The following CEP43 variants were observed in gnomAD, a reference collection of about 807,000 sequenced individuals.
CEP43 encodes FGFR1 oncogene partner.
A neutral mutation model predicts 52.6 loss-of-function variants in CEP43; 36 were observed. The ratio of observed to expected loss-of-function variants is 0.68; its 90% CI spans 0.52 to 0.90. The LOEUF (loss-of-function observed/expected upper bound fraction) is 0.90, where lower values mean the gene tolerates loss of function less well. CEP43 is among the 40% of genes least tolerant of loss of function. CEP43 has a pLI of 0.00. For missense variants in CEP43, 506 were observed against 472.8 expected, an observed-to-expected ratio of 1.07 and a Z score of -0.65; for synonymous variants, 192 against 172.4, an observed-to-expected ratio of 1.11 and a Z score of -0.89.
chr6:167,032,698 C>A, intron 11 of CEP43, 56 bp downstream of exon 11: 3 of 1,432,516 alleles, frequency 2.1e-6, no homozygotes, highest in South Asian at 2.9e-5. Flanking sequence ...TAAACAATTT[C>A]CGAACACAGA....
chr6:167,014,261 A>C (rs1045959778), intron 7 of CEP43, among the ~76,000 whole-genome samples: 1 of 152,152 alleles, frequency 6.6e-6, no homozygotes, highest in African/African-American at 2.4e-5. Flanking sequence ...TTCCTCCAAG[A>C]TGTTTTTGTG....
At chr6:167,011,006 G>A (rs1779972360) in intron 6 of CEP43, 113 bp downstream of exon 6, 1 of 501,914 alleles carries the variant, frequency 2.0e-6, no homozygotes, top group Non-Finnish European at 3.4e-6. Context: ...TAAACACATG[G>A]GCTCTTTAGT....
chr6:167,004,808 C>T (rs1055754666), intron 5 of CEP43, among the ~76,000 whole-genome samples: 2 of 152,162 alleles, frequency 1.3e-5, no homozygotes, highest in Non-Finnish European at 2.9e-5. Context: ...ATTAAAACAT[C>T]TTATTTAAAT....
intron 3 of CEP43, 139 bp from the exon 4 acceptor site, chr6:167,003,581 ATAT>A (rs1779786323): frequency 5.1e-6 from 3 of 589,598 alleles, no homozygotes; most frequent in Non-Finnish European, 6.0e-6. Flanking sequence ...TTACTTAATC[ATAT>A]TATTCAAAGA....
intron 12 of CEP43, among the ~76,000 whole-genome samples, 170 bp downstream of exon 12, chr6:167,034,141 A>G (rs1780532853): frequency 6.6e-6 from 1 of 152,212 alleles, no homozygotes; most frequent in South Asian, 2.1e-4. Context: ...ATGAATGTGT[A>G]AGATTGGTTT....
intron 6 of CEP43, among the ~76,000 whole-genome samples, chr6:167,012,608 TTAA>T (rs1780009721): frequency 1.3e-5 from 2 of 152,224 alleles, no homozygotes; most frequent in South Asian, 4.1e-4. Context: ...ATTACTGTTT[TTAA>T]AGCAAATTAG....
Position 167,022,389 on chromosome 6 carries a change from C to A in CEP43, c.580-20C>A. ...TTTTATCTCACCAAGGAGGCCTTTT[C>A]TCTTTCCCTCTCTTTCTAGAAGGCC... On this transcript the variant is annotated intron_variant, in intron 7 of 12. Transcript: ENST00000366847. The A allele has an allele frequency of 6.4e-7, 1 of 1,563,188 alleles. No individual in the cohort carries two copies. Among genetic ancestry groups the A allele is most frequent in the Admixed American group, 1.7e-5 (1 of 57,922 alleles).
chr6:167,024,255 A>T (rs1338544688), intron 8 of CEP43, among the ~76,000 whole-genome samples: 3 of 152,028 alleles, frequency 2.0e-5, no homozygotes, highest in Admixed American at 1.3e-4. Context: ...ATAAGAGGAG[A>T]GTGGAGAAAG....
intron 7 of CEP43, among the ~76,000 whole-genome samples, chr6:167,017,976 A>G (rs1319154884): frequency 6.8e-6 from 1 of 146,088 alleles, no homozygotes; most frequent in Non-Finnish European, 1.5e-5. Flanking sequence ...AAAACAACAC[A>G]TGTGTTGTGT....
chr6:167,029,744 GC>G (rs1226373386), intron 10 of CEP43, among the ~76,000 whole-genome samples: 6 of 152,212 alleles, frequency 3.9e-5, no homozygotes, highest in African/African-American at 1.4e-4. Flanking sequence ...GAGCAACATG[GC>G]TGTTTATTTC....
intron 10 of CEP43, among the ~76,000 whole-genome samples, chr6:167,031,372 C>T (rs1272418125): frequency 6.6e-6 from 1 of 152,180 alleles, no homozygotes; most frequent in African/African-American, 2.4e-5. Flanking sequence ...ATTGCACTAG[C>T]AGTATTTGGT....
chr6:167,014,305 A>G (rs1780047098), intron 7 of CEP43, among the ~76,000 whole-genome samples: 1 of 152,154 alleles, frequency 6.6e-6, no homozygotes, highest in Non-Finnish European at 1.5e-5. Context: ...CACATTTGTG[A>G]TCCTTTATTC....
At chr6:167,005,983 G>C (rs11965188) in intron 5 of CEP43, among the ~76,000 whole-genome samples, 11,234 of 152,274 alleles carry the variant, frequency 0.074, 506 homozygotes, top group African/African-American at 0.12. Flanking sequence ...TCTGGAACCA[G>C]GTTACTTGGG....
At chr6:167,010,961 C>G in intron 6 of CEP43, 68 bp downstream of exon 6, 3 of 836,260 alleles carry the variant, frequency 3.6e-6, no homozygotes, top group Admixed American at 2.8e-5. Flanking sequence ...TTTTCTCTCT[C>G]TAGTCTTTCT....
chr6:167,014,224 T>A (rs1392472098), intron 7 of CEP43, among the ~76,000 whole-genome samples: 2 of 152,244 alleles, frequency 1.3e-5, no homozygotes, highest in African/African-American at 4.8e-5. Context: ...AATACGTACC[T>A]ATTGATAAAT....
intron 8 of CEP43, 34 bp downstream of exon 8, chr6:167,022,669 G>T (rs2128664141): frequency 7.4e-7 from 1 of 1,351,132 alleles, no homozygotes; most frequent in South Asian, 1.2e-5. Context: ...TGAGACTAGG[G>T]GTTTAAAAAT....
chr6:167,018,384 T>C (rs1393193608), intron 7 of CEP43, among the ~76,000 whole-genome samples: 1 of 151,674 alleles, frequency 6.6e-6, no homozygotes, highest in African/African-American at 2.4e-5. Flanking sequence ...TGCCATGGTA[T>C]GTGTGTGTGT....
intron 9 of CEP43, 139 bp from the exon 10 acceptor site, chr6:167,026,408 G>GTT (rs1410089812): frequency 7.7e-6 from 5 of 650,694 alleles, no homozygotes; most frequent in East Asian, 2.7e-5. Context: ...ATTAATCACA[G>GTT]TTTATTTTTT....
intron 6 of CEP43, among the ~76,000 whole-genome samples, chr6:167,012,363 T>A (rs962891354): frequency 5.3e-5 from 8 of 151,934 alleles, no homozygotes; most frequent in Non-Finnish European, 7.4e-5. Context: ...GGCCTTTTTT[T>A]AAAATTTTTT....
Sources: allele counts gnomAD v4.1 joint callset (sites outside exome capture counted in the v4.1 genomes callset), GRCh38; gene constraint gnomAD v4.1.1; transcripts MANE v1.5; gene names NCBI Gene and HGNC (gene_info 2026-07-23, HGNC 2026-07-21).